CFAP210: variants seen among roughly 807,000 people sequenced by gnomAD.
CFAP210 encodes cilia- and flagella- associated protein 210.
the CFAP210 span, chr2:169,694,401 A>G: frequency 9.6e-6 from 14 of 1,454,300 alleles, no homozygotes; most frequent in African/African-American, 1.4e-5. Context: ...TGTTACTCGT[A>G]CCACGCGGTT....
chr2:169,647,758 T>G, the CFAP210 span, among the ~76,000 whole-genome samples: 1 of 152,178 alleles, frequency 6.6e-6, no homozygotes, highest in Non-Finnish European at 1.5e-5. Flanking sequence ...AGTAAAAAGG[T>G]AACTCATGGG....
chr2:169,668,504 G>A, the CFAP210 span, among the ~76,000 whole-genome samples: 4 of 152,132 alleles, frequency 2.6e-5, no homozygotes, highest in Non-Finnish European at 4.4e-5. Context: ...AGCCTATTTT[G>A]GCTTTTGACA....
At chr2:169,683,349 G>A in the CFAP210 span, among the ~76,000 whole-genome samples, 1 of 152,204 alleles carries the variant, frequency 6.6e-6, no homozygotes, top group African/African-American at 2.4e-5. Context: ...GGATTGTGGT[G>A]TAACTTGATT....
At chr2:169,650,732 A>ATTGTGTG in the CFAP210 span, among the ~76,000 whole-genome samples, 2 of 62,818 alleles carry the variant, frequency 3.2e-5, no homozygotes, top group Non-Finnish European at 6.4e-5. Context: ...AATATGTATA[A>ATTGTGTG]TCTGTGTGTG....
At chr2:169,665,844 C>T in the CFAP210 span, among the ~76,000 whole-genome samples, 2 of 152,232 alleles carry the variant, frequency 1.3e-5, no homozygotes, top group Non-Finnish European at 2.9e-5. Flanking sequence ...AGGCTTGTAG[C>T]TTATCTGCAT....
chr2:169,678,341 CAAAAAAAAAAAAAA>C, the CFAP210 span, among the ~76,000 whole-genome samples: 2 of 88,232 alleles, frequency 2.3e-5, no homozygotes, highest in Non-Finnish European at 4.5e-5. Context: ...AACTCTGTTG[CAAAAAAAAAAAAAA>C]AAAAAAAAGA....
the CFAP210 span, chr2:169,681,206 A>C: frequency 5.6e-6 from 9 of 1,612,818 alleles, no homozygotes; most frequent in Non-Finnish European, 7.6e-6. Context: ...CAGATAGAGA[A>C]CTTGATCTTC....
At chr2:169,694,217 G>T in the CFAP210 span, 242,483 of 1,588,546 alleles carry the variant, frequency 0.15, 20,199 homozygotes, top group Non-Finnish European at 0.18. Flanking sequence ...CATGCCGGGG[G>T]TCCAGAAACA....
the CFAP210 span, among the ~76,000 whole-genome samples, chr2:169,646,415 A>C: frequency 6.6e-6 from 1 of 152,194 alleles, no homozygotes; most frequent in East Asian, 1.9e-4. Flanking sequence ...TGCAAATAGC[A>C]CAGTGAAATA....
the CFAP210 span, chr2:169,674,856 T>C: frequency 6.7e-7 from 1 of 1,503,360 alleles, no homozygotes; most frequent in Non-Finnish European, 8.8e-7. Flanking sequence ...ACAAGAAAAC[T>C]CAAGTAGTAC....
the CFAP210 span, among the ~76,000 whole-genome samples, chr2:169,674,276 G>T: frequency 6.6e-6 from 1 of 152,154 alleles, no homozygotes; most frequent in African/African-American, 2.4e-5. Context: ...CCTACAGCTT[G>T]AAGAAAAGCT....
At chr2:169,675,151 T>G in the CFAP210 span, 1 of 815,536 alleles carries the variant, frequency 1.2e-6, no homozygotes, top group Non-Finnish European at 1.7e-6. Context: ...GTATTTGTAA[T>G]ATTTTATTAA....
At chr2:169,673,009 G>C in the CFAP210 span, among the ~76,000 whole-genome samples, 2 of 151,966 alleles carry the variant, frequency 1.3e-5, no homozygotes, top group Admixed American at 6.5e-5. Flanking sequence ...AAATAGAACA[G>C]TTGAGAGTAC....
the CFAP210 span, chr2:169,658,905 T>A: frequency 5.8e-6 from 1 of 171,154 alleles, no homozygotes; most frequent in Non-Finnish European, 1.3e-5. Context: ...GCAGGAGGAC[T>A]GCTTGACCTC....
chr2:169,680,916 T>C, the CFAP210 span: 5 of 1,067,848 alleles, frequency 4.7e-6, no homozygotes, highest in African/African-American at 3.2e-5. Context: ...AAATTTTACA[T>C]GTAAAAAAAT....
At chr2:169,688,884 A>G in the CFAP210 span, among the ~76,000 whole-genome samples, 1 of 152,026 alleles carries the variant, frequency 6.6e-6, no homozygotes, top group Non-Finnish European at 1.5e-5. Flanking sequence ...GCAATGCCCC[A>G]CTCTGCTGGT....
the CFAP210 span, among the ~76,000 whole-genome samples, chr2:169,690,644 CAA>C: frequency 1.5e-5 from 2 of 132,770 alleles, no homozygotes; most frequent in African/African-American, 5.8e-5. Flanking sequence ...GCCTGGGTGA[CAA>C]GAGCAAGACT....
chr2:169,660,497 T>C, the CFAP210 span, among the ~76,000 whole-genome samples: 1 of 151,518 alleles, frequency 6.6e-6, no homozygotes, highest in African/African-American at 2.4e-5. Context: ...TTTCTTCTAC[T>C]AATTTTGCAC....
the CFAP210 span, among the ~76,000 whole-genome samples, chr2:169,686,438 C>T: frequency 0.41 from 62,002 of 151,860 alleles, 12,933 homozygotes; most frequent in Non-Finnish European, 0.44. Flanking sequence ...TAACAGAATA[C>T]CTGAAACTAG....
Sources: gnomAD v4.1 joint callset for allele counts (sites outside exome capture counted in the v4.1 genomes callset) on GRCh38, gnomAD v4.1.1 for gene constraint, MANE v1.5 for transcripts, NCBI Gene and HGNC (gene_info 2026-07-23, HGNC 2026-07-21) for gene names.